The following GRIN2B variants were observed in gnomAD, a reference collection of about 807,000 sequenced individuals.
GRIN2B encodes glutamate ionotropic receptor NMDA type subunit 2B.
A neutral mutation model predicts 114.5 loss-of-function variants in GRIN2B; 5 were observed. The observed-to-expected ratio is 0.04, with a 90% CI of 0.02 to 0.09. The LOEUF is 0.09. Among genes scored for constraint, GRIN2B ranks in the 10% least tolerant of loss-of-function variants. The pLI, the probability that GRIN2B is intolerant of heterozygous loss-of-function variation, is 1.00. For synonymous variants in GRIN2B, 787 were observed against 745.1 expected, an observed-to-expected ratio of 1.06 and a Z score of -0.92; for missense variants, 1,108 against 1,943.5, an observed-to-expected ratio of 0.57 and a Z score of 8.08.
intron 2 of GRIN2B, among the ~76,000 whole-genome samples, chr12:13,877,993 G>A (rs575282620): frequency 2.0e-4 from 30 of 150,838 alleles, no homozygotes; most frequent in African/African-American, 7.3e-4. Flanking sequence ...GAACCTGGGA[G>A]GCGGAGGTTC....
In GRIN2B at chr12:13,780,733, A is replaced by G. The variant is rs185384330; in HGVS notation, c.412-26818T>C. On this transcript the variant is annotated intron_variant, in intron 3 of 13. Transcript: ENST00000609686. The stretch of plus-strand genomic sequence containing the variant: ...TGTCAAGAGTGAGAAATAATCTAAG[A>G]ACCAAAATATTTGCAGAACTAGATA... 3.3e-5 allele frequency among the ~76,000 whole-genome samples: 5 copies of G among 152,166 alleles called. No individual in the cohort carries two copies. In the East Asian group the frequency reaches 9.7e-4, roughly 29 times the overall value.
At chr12:13,940,409 C>A (rs1237886696) in intron 2 of GRIN2B, among the ~76,000 whole-genome samples, 1 of 151,974 alleles carries the variant, frequency 6.6e-6, no homozygotes, top group Non-Finnish European at 1.5e-5. Context: ...TCTTACCTTG[C>A]CGTTTGTCCT....
intron 2 of GRIN2B, among the ~76,000 whole-genome samples, chr12:13,930,538 G>A (rs1326399796): frequency 6.6e-6 from 1 of 152,112 alleles, no homozygotes; most frequent in Non-Finnish European, 1.5e-5. Context: ...TGATGTTGTG[G>A]GGCCTTCCCA....
chr12:13,847,616 G>C (rs187387503), intron 3 of GRIN2B, among the ~76,000 whole-genome samples: 339 of 152,192 alleles, frequency 2.2e-3, no homozygotes, highest in Middle Eastern at 0.01. Flanking sequence ...ACAGGAGATG[G>C]GGGGGAGGAC....
intron 2 of GRIN2B, among the ~76,000 whole-genome samples, chr12:13,929,859 A>G (rs1326229060): frequency 1.3e-5 from 2 of 152,208 alleles, no homozygotes; most frequent in Non-Finnish European, 2.9e-5. Flanking sequence ...TGAGATACAT[A>G]TTAAAGCACT....
At chr12:13,858,234 A>G (rs1865696644) in intron 3 of GRIN2B, among the ~76,000 whole-genome samples, 1 of 152,244 alleles carries the variant, frequency 6.6e-6, no homozygotes, top group East Asian at 1.9e-4. Flanking sequence ...TCAGAGTTTG[A>G]CAAAAAATAA....
intron 5 of GRIN2B, among the ~76,000 whole-genome samples, chr12:13,635,619 A>G (rs1047726218): frequency 6.6e-6 from 1 of 152,180 alleles, no homozygotes; most frequent in African/African-American, 2.4e-5. Context: ...CAAGCACAGA[A>G]GGATTAGCAT....
At chr12:13,630,483 C>T (rs1051802038) in intron 5 of GRIN2B, among the ~76,000 whole-genome samples, 5 of 152,132 alleles carry the variant, frequency 3.3e-5, no homozygotes, top group Non-Finnish European at 5.9e-5. Flanking sequence ...AAATGTGACA[C>T]ATGTAGAGAC....
chr12:13,922,026 T>C (rs997185189), intron 2 of GRIN2B, among the ~76,000 whole-genome samples: 2 of 152,174 alleles, frequency 1.3e-5, no homozygotes, highest in Non-Finnish European at 2.9e-5. Context: ...ATTATACCTA[T>C]TTCTCAGGAT....
rs188641813 is a variant in GRIN2B, at chr12:13,570,485, A to G, written c.2172-468T>C. Among the ~76,000 whole-genome samples, 251 of 152,274 alleles carry G rather than the reference A, an allele frequency of 1.6e-3. 2 individuals are homozygous for G. Among genetic ancestry groups the G allele is most frequent in the African/African-American group, 5.5e-3 (227 of 41,528 alleles). ...TGCAATGCTATTTTTGTGGTCAGGA[A>G]GGTTCCAGTATTCTGTTGTGCAACA... On this transcript the variant is annotated intron_variant, in intron 11 of 13. Transcript: ENST00000609686.
chr12:13,830,124 A>AAT (rs1282668471), intron 3 of GRIN2B, among the ~76,000 whole-genome samples: 5 of 152,204 alleles, frequency 3.3e-5, no homozygotes, highest in African/African-American at 1.2e-4. Flanking sequence ...TATTTGACAA[A>AAT]AGCAGGGGAC....
rs1404391735 is a variant in GRIN2B at position 13,562,708 on chromosome 12, CCCT to C, written c.*72_*74del. On this transcript the variant is annotated 3_prime_UTR_variant, in exon 14 of 14. Coordinates refer to ENST00000609686, the MANE Select transcript of GRIN2B (RefSeq NM_000834.5). ...ATGGGAACCAAGTTCACCCCCGTCA[CCCT>C]CCGTGACATGCGCATCACGCGACCC... The C allele has an allele frequency of 1.2e-5, 15 of 1,204,928 alleles. No individual in the cohort carries two copies. The highest frequency in any genetic ancestry group is 4.6e-4 in the Middle Eastern group (2 of 4,366). The allele number at this position is 1,204,928 out of a possible 1,614,324, so 74.6% of individuals were successfully genotyped here.
chr12:13,937,091 A>AG (rs144892608), intron 2 of GRIN2B, among the ~76,000 whole-genome samples: 2 of 146,446 alleles, frequency 1.4e-5, no homozygotes, highest in Non-Finnish European at 3.0e-5. Context: ...AAATAAAAAA[A>AG]AAAAAGGGGG....
intron 3 of GRIN2B, among the ~76,000 whole-genome samples, chr12:13,786,150 AC>A (rs1397479795): frequency 6.6e-6 from 1 of 152,190 alleles, no homozygotes; most frequent in East Asian, 1.9e-4. Flanking sequence ...TCAGTAAAGA[AC>A]GCCTCGACTA....
At chr12:13,950,458 G>A (rs1867460278) in intron 2 of GRIN2B, among the ~76,000 whole-genome samples, 1 of 152,194 alleles carries the variant, frequency 6.6e-6, no homozygotes, top group Non-Finnish European at 1.5e-5. Flanking sequence ...GGAAAATAAG[G>A]ATGATAAGAG....
chr12:13,699,922 G>A (rs1950295439), intron 4 of GRIN2B, among the ~76,000 whole-genome samples: 1 of 149,988 alleles, frequency 6.7e-6, no homozygotes, highest in South Asian at 2.1e-4. Flanking sequence ...AAATACCTTT[G>A]GCAGATAACA....
chr12:13,611,880 G>T, intron 8 of GRIN2B, 30 bp from the exon 9 acceptor site: 1 of 1,610,640 alleles, frequency 6.2e-7, no homozygotes, highest in Non-Finnish European at 8.5e-7. Flanking sequence ...AGTGCTCAGG[G>T]TTAGAACAGA....
chr12:13,848,654 T>C (rs954037825), intron 3 of GRIN2B, among the ~76,000 whole-genome samples: 1 of 152,168 alleles, frequency 6.6e-6, no homozygotes, highest in African/African-American at 2.4e-5. Flanking sequence ...AAAAAAACCC[T>C]TTTCAAGCCC....
chr12:13,932,911 A>G (rs1180039765), intron 2 of GRIN2B, among the ~76,000 whole-genome samples: 3 of 152,036 alleles, frequency 2.0e-5, no homozygotes, highest in Non-Finnish European at 4.4e-5. Context: ...TGGTATTCCA[A>G]AATAATGGTA....
Sources: allele counts gnomAD v4.1 joint callset (sites outside exome capture counted in the v4.1 genomes callset), GRCh38; gene constraint gnomAD v4.1.1; transcripts MANE v1.5; gene names NCBI Gene and HGNC (gene_info 2026-07-23, HGNC 2026-07-21).